The following PLPP1 variants were observed in gnomAD, a reference collection of about 807,000 sequenced individuals.
The protein encoded by PLPP1 is lipid phosphate phosphohydrolase 1a.
PLPP1 carries 24 observed loss-of-function variants against 31.2 expected under a neutral mutation model. The observed-to-expected ratio is 0.77, with a 90% CI of 0.56 to 1.08. The LOEUF is 1.08. Ranked by LOEUF, PLPP1 falls within the 50% of genes least tolerant of loss-of-function variation. The pLI, the probability that PLPP1 is intolerant of heterozygous loss-of-function variation, is 0.00. For missense variants in PLPP1, 319 were observed against 342.7 expected, an observed-to-expected ratio of 0.93 and a Z score of 0.55; for synonymous variants, 146 against 126.3, an observed-to-expected ratio of 1.16 and a Z score of -1.05.
At chr5:55,476,576 A>G (rs975685372) in intron 1 of PLPP1, among the ~76,000 whole-genome samples, 1 of 152,164 alleles carries the variant, frequency 6.6e-6, no homozygotes, top group South Asian at 2.1e-4. Context: ...AACCCTCCAC[A>G]TGAGATCTGC....
At chr5:55,426,335 C>G (rs1751194177) in intron 4 of PLPP1, among the ~76,000 whole-genome samples, 1 of 152,170 alleles carries the variant, frequency 6.6e-6, no homozygotes, top group South Asian at 2.1e-4. Flanking sequence ...ATTTCAGGGA[C>G]AGTTCCTCCC....
chr5:55,517,784 A>C (rs890535642), intron 1 of PLPP1, among the ~76,000 whole-genome samples: 3 of 152,196 alleles, frequency 2.0e-5, no homozygotes, highest in Non-Finnish European at 4.4e-5. Flanking sequence ...CCTCTCAAAA[A>C]AGCCTCATTC....
intron 1 of PLPP1, among the ~76,000 whole-genome samples, chr5:55,512,433 T>G (rs1219032471): frequency 8.8e-5 from 13 of 147,468 alleles, no homozygotes; most frequent in Non-Finnish European, 7.4e-5. Flanking sequence ...ATTACACCAC[T>G]GCACTCCAGC....
intron 3 of PLPP1, among the ~76,000 whole-genome samples, chr5:55,466,303 G>GA (rs1184117524): frequency 4.6e-5 from 7 of 152,290 alleles, no homozygotes; most frequent in Non-Finnish European, 7.4e-5. Context: ...TAAGGTCCAT[G>GA]AAGATGGGGA....
rs979208935 is a variant in PLPP1, at chr5:55,530,046, G to A, written c.58+4526C>T. 9.5e-6 allele frequency: 6 copies of A among 629,108 alleles called. No homozygotes were observed. The Admixed American group carries it at 1.3e-4, about 14-fold the overall frequency. The allele number at this position is 629,108 out of a possible 1,614,324, so 39.0% of individuals were successfully genotyped here. ...TTTTCAATCAAAAACTAAAATGACT[G>A]AATTACTTTTATTAATATACACATC... On this transcript the variant is annotated intron_variant, in intron 1 of 5. Coordinates refer to ENST00000307259, the MANE Select transcript of PLPP1 (RefSeq NM_003711.4).
chr5:55,497,412 A>ATTTTTT lies in PLPP1; in HGVS notation c.59-21968_59-21963dup, dbSNP rs199571704. Among the ~76,000 whole-genome samples, 6 of 140,264 alleles carry ATTTTTT rather than the reference A, an allele frequency of 4.3e-5. 1 individual carries two copies. Among genetic ancestry groups the ATTTTTT allele is most frequent in the African/African-American group, 5.3e-5 (2 of 37,852 alleles). The allele number at this position is 140,264 out of a possible 152,430, so 92.0% of individuals were successfully genotyped here. On this transcript the variant is annotated intron_variant, in intron 1 of 5. Coordinates refer to ENST00000307259, the MANE Select transcript of PLPP1 (RefSeq NM_003711.4). ...AGGCCTGTGCTACCATTCCTGGCTAATTTTTTCTTTTTTTTTTTTTGGTAG... is the reference window on the plus strand; with the variant it reads ...AGGCCTGTGCTACCATTCCTGGCTAATTTTTTTTTTTTCTTTTTTTTTTTTTGGTAG...
intron 3 of PLPP1, among the ~76,000 whole-genome samples, chr5:55,453,930 G>A (rs1430914550): frequency 1.3e-5 from 2 of 152,070 alleles, no homozygotes; most frequent in African/African-American, 4.8e-5. Flanking sequence ...AACAGAGCAA[G>A]ACTCTGTCTC....
At chr5:55,464,339 G>A (rs1752237285) in intron 3 of PLPP1, among the ~76,000 whole-genome samples, 1 of 150,844 alleles carries the variant, frequency 6.6e-6, no homozygotes, top group Admixed American at 6.6e-5. Flanking sequence ...TGATTCTTGT[G>A]CCTCAGTTTC....
intron 3 of PLPP1, among the ~76,000 whole-genome samples, chr5:55,461,119 C>T (rs1322136591): frequency 2.6e-5 from 4 of 152,082 alleles, no homozygotes; most frequent in African/African-American, 4.8e-5. Flanking sequence ...TCACTTGAGC[C>T]GGGAGGTCAA....
chr5:55,429,770 A>T (rs1579915253), intron 4 of PLPP1, among the ~76,000 whole-genome samples: 1 of 152,004 alleles, frequency 6.6e-6, no homozygotes, highest in Admixed American at 6.5e-5. Context: ...AAAGTATACA[A>T]GCTACTGGCA....
chr5:55,437,579 C>T (rs566220522), intron 4 of PLPP1, among the ~76,000 whole-genome samples: 1 of 151,446 alleles, frequency 6.6e-6, no homozygotes, highest in East Asian at 1.9e-4. Flanking sequence ...AGGCTCAATG[C>T]AAAGAAATAT....
At chr5:55,499,453 AT>A (rs1333158973) in intron 1 of PLPP1, among the ~76,000 whole-genome samples, 2 of 152,260 alleles carry the variant, frequency 1.3e-5, no homozygotes, top group Admixed American at 1.3e-4. Context: ...CAGTAAAAAA[AT>A]ATCTGCTCTT....
chr5:55,443,527 C>T (rs1673510354), intron 3 of PLPP1, among the ~76,000 whole-genome samples: 1 of 152,026 alleles, frequency 6.6e-6, no homozygotes, highest in African/African-American at 2.4e-5. Context: ...TAATAAAAGC[C>T]AATTTCAAGG....
At chr5:55,446,559 T>C (rs1409532242) in intron 3 of PLPP1, among the ~76,000 whole-genome samples, 1 of 152,206 alleles carries the variant, frequency 6.6e-6, no homozygotes, top group Non-Finnish European at 1.5e-5. Flanking sequence ...GGGTAGCTTG[T>C]TTCCACATAG....
chr5:55,494,956 T>TA (rs765870590), intron 1 of PLPP1, among the ~76,000 whole-genome samples: 27 of 45,016 alleles, frequency 6.0e-4, no homozygotes, highest in East Asian at 3.1e-3. Context: ...CTGTCTCTAC[T>TA]AAAAAAAATA....
intron 1 of PLPP1, 57 bp from the exon 2 acceptor site, chr5:55,475,507 A>G: frequency 1.4e-6 from 2 of 1,395,722 alleles, no homozygotes; most frequent in Non-Finnish European, 1.9e-6. Flanking sequence ...AAACTAATTA[A>G]TGGCAATAAT....
intron 1 of PLPP1, chr5:55,490,999 A>G (rs899262002): frequency 6.2e-7 from 1 of 1,613,496 alleles, no homozygotes; most frequent in African/African-American, 1.3e-5. Flanking sequence ...GGATGAGGAC[A>G]GTGGATGTGA....
intron 3 of PLPP1, among the ~76,000 whole-genome samples, chr5:55,444,111 T>C (rs2111716746): frequency 1.3e-5 from 2 of 150,678 alleles, no homozygotes; most frequent in South Asian, 4.2e-4. Context: ...AGACAGAGTC[T>C]CACTGTATTG....
At chr5:55,484,107 G>A (rs531590325) in intron 1 of PLPP1, among the ~76,000 whole-genome samples, 49 of 152,224 alleles carry the variant, frequency 3.2e-4, no homozygotes, top group Admixed American at 1.7e-3. Flanking sequence ...TGCATGGTGT[G>A]CAAGGACAGG....
Sources: gnomAD v4.1 joint callset for allele counts (sites outside exome capture counted in the v4.1 genomes callset) on GRCh38, gnomAD v4.1.1 for gene constraint, MANE v1.5 for transcripts, NCBI Gene and HGNC (gene_info 2026-07-23, HGNC 2026-07-21) for gene names.